The following LRGUK variants were observed in gnomAD, a reference collection of about 807,000 sequenced individuals.
LRGUK encodes the protein leucine-rich repeat and guanylate kinase domain-containing protein.
A neutral mutation model predicts 76.0 loss-of-function variants in LRGUK; 65 were observed. That is an observed-to-expected ratio of 0.85 (90% confidence interval 0.70 to 1.05). The LOEUF (loss-of-function observed/expected upper bound fraction) is 1.05. Ranked by LOEUF, LRGUK falls within the 50% of genes least tolerant of loss-of-function variation. The pLI, the probability that LRGUK is intolerant of heterozygous loss-of-function variation, is 0.00. For synonymous variants in LRGUK, 268 were observed against 265.6 expected (o/e 1.01, Z -0.09); for missense variants, 758 against 732.8 (o/e 1.03, Z -0.40).
At chr7:134,130,169 A>G (rs1359136395) in intron 1 of LRGUK, among the ~76,000 whole-genome samples, 1 of 152,058 alleles carries the variant, frequency 6.6e-6, no homozygotes, top group East Asian at 1.9e-4. Context: ...TAATTATTCT[A>G]TTCGTTATTA....
intron 7 of LRGUK, among the ~76,000 whole-genome samples, chr7:134,166,871 C>G (rs1229426638): frequency 2.6e-5 from 4 of 152,178 alleles, no homozygotes; most frequent in Non-Finnish European, 1.5e-5. Context: ...TTCACTGAAC[C>G]CTGGCTCACA....
At chr7:134,199,026 A>G (rs538780602) in intron 13 of LRGUK, among the ~76,000 whole-genome samples, 194 bp from the exon 14 acceptor site, 1 of 152,346 alleles carries the variant, frequency 6.6e-6, no homozygotes, top group South Asian at 2.1e-4. Context: ...ATGACAATTT[A>G]AAACTTGATG....
chr7:134,164,643 G>T (rs1798894826), intron 7 of LRGUK, among the ~76,000 whole-genome samples: 1 of 152,098 alleles, frequency 6.6e-6, no homozygotes, highest in East Asian at 1.9e-4. Flanking sequence ...ATGAAAAATT[G>T]GGCTGAGCCT....
intron 9 of LRGUK, among the ~76,000 whole-genome samples, chr7:134,177,302 T>C (rs1472216307): frequency 6.6e-6 from 1 of 152,082 alleles, no homozygotes; most frequent in Non-Finnish European, 1.5e-5. Context: ...AGTGAAGAGG[T>C]TGGCTGTGGG....
intron 4 of LRGUK, among the ~76,000 whole-genome samples, 177 bp from the exon 5 acceptor site, chr7:134,148,059 TTC>T (rs1398663976): frequency 6.2e-5 from 3 of 48,020 alleles, no homozygotes; most frequent in Non-Finnish European, 1.3e-4. Flanking sequence ...AAGACTCCTT[TTC>T]AAAAAAAAAA....
intron 13 of LRGUK, among the ~76,000 whole-genome samples, chr7:134,197,911 A>AT (rs1408382274): frequency 3.1e-4 from 47 of 152,338 alleles, no homozygotes; most frequent in African/African-American, 1.1e-3. Flanking sequence ...CACTTTTGGA[A>AT]TTAAAAAAAA....
intron 18 of LRGUK, 138 bp from the exon 19 acceptor site, chr7:134,258,119 A>G: frequency 1.0e-6 from 1 of 1,004,628 alleles, no homozygotes; most frequent in Non-Finnish European, 1.5e-6. Flanking sequence ...GTTGAACACT[A>G]GCTCAACACA....
intron 10 of LRGUK, 129 bp from the exon 11 acceptor site, chr7:134,183,605 C>T: frequency 1.2e-6 from 1 of 861,168 alleles, no homozygotes; most frequent in Non-Finnish European, 1.7e-6. Context: ...GAAAGGACAA[C>T]TATTCTTCTA....
At chr7:134,150,266 G>C (rs1197122136) in intron 5 of LRGUK, among the ~76,000 whole-genome samples, 1 of 145,498 alleles carries the variant, frequency 6.9e-6, no homozygotes, top group African/African-American at 2.6e-5. Flanking sequence ...CAGAGCCCGA[G>C]ACTCTGTCTC....
chr7:134,150,231 C>T (rs535568539), intron 5 of LRGUK, among the ~76,000 whole-genome samples: 15 of 151,446 alleles, frequency 9.9e-5, no homozygotes, highest in South Asian at 2.1e-4. Flanking sequence ...GCCCAGATGG[C>T]GCCACTGCAC....
the LRGUK span, among the ~76,000 whole-genome samples, chr7:134,275,985 G>T: frequency 5.9e-5 from 9 of 152,136 alleles, no homozygotes; most frequent in Non-Finnish European, 1.2e-4. Context: ...CCAAAGCAAA[G>T]AAAGAAGCAA....
At chr7:134,215,254 G>A (rs896054830), downstream of LRGUK, among the ~76,000 whole-genome samples, 3 of 151,420 alleles carry the variant, frequency 2.0e-5, no homozygotes, top group Admixed American at 1.3e-4. Context: ...CTTTACTATG[G>A]TGATAGACAA....
exon 16 of LRGUK, chr7:134,209,513 G>A: frequency 2.5e-6 from 1 of 399,172 alleles, no homozygotes; most frequent in East Asian, 3.6e-5. Context: ...GGGAGCCCCG[G>A]GGACCTTGCT....
chr7:134,188,741 A>G (rs1253927019), intron 11 of LRGUK, among the ~76,000 whole-genome samples: 2 of 152,160 alleles, frequency 1.3e-5, no homozygotes, highest in African/African-American at 4.8e-5. Context: ...GTGGCTACCC[A>G]TTGATAGAGC....
downstream of LRGUK, among the ~76,000 whole-genome samples, chr7:134,265,369 GCA>G (rs758662603): frequency 6.6e-6 from 1 of 152,154 alleles, no homozygotes; most frequent in Non-Finnish European, 1.5e-5. Context: ...TGAAAAGAAG[GCA>G]GATGGGCTAT....
At chr7:134,208,737 G>A (rs1428589118) in exon 16 of LRGUK, 8 of 398,762 alleles carry the variant, frequency 2.0e-5, no homozygotes, top group African/African-American at 1.6e-4. Flanking sequence ...ACTGTCTCTG[G>A]GGTGCCAGCA....
At chr7:134,172,435 C>T (rs1269169782) in intron 7 of LRGUK, among the ~76,000 whole-genome samples, 1 of 151,972 alleles carries the variant, frequency 6.6e-6, no homozygotes, top group Non-Finnish European at 1.5e-5. Flanking sequence ...AGACTATGGC[C>T]TTGAGGGAAA....
At chr7:134,223,393 C>T (rs908189897) in intron 16 of LRGUK, among the ~76,000 whole-genome samples, 20 of 152,202 alleles carry the variant, frequency 1.3e-4, no homozygotes, top group African/African-American at 2.7e-4. Context: ...GCAGAAGGCA[C>T]GACCTGTGGC....
chr7:134,245,564 A>G (rs1282703208), intron 16 of LRGUK, among the ~76,000 whole-genome samples: 2 of 152,180 alleles, frequency 1.3e-5, no homozygotes. Context: ...GTTTTTTGAC[A>G]TGTTTTTGAT....
Sources: allele counts gnomAD v4.1 joint callset (sites outside exome capture counted in the v4.1 genomes callset), GRCh38; gene constraint gnomAD v4.1.1; transcripts MANE v1.5; gene names NCBI Gene and HGNC (gene_info 2026-07-23, HGNC 2026-07-21).